Variants in CDYL observed in about 807,000 individuals in gnomAD.
CDYL encodes the protein chromodomain Y-like protein.
A neutral mutation model predicts 47.3 loss-of-function variants in CDYL; 8 were observed. The observed-to-expected ratio is 0.17, with a 90% confidence interval of 0.10 to 0.31. The LOEUF (loss-of-function observed/expected upper bound fraction) is 0.31. Among genes scored for constraint, CDYL ranks in the 10% least tolerant of loss-of-function variants. The probability of loss-of-function intolerance (pLI) is 1.00; values close to 1 mark genes in which losing one functional copy is unlikely to be tolerated. For synonymous variants in CDYL, 266 were observed against 265.0 expected, an observed-to-expected ratio of 1.00 and a Z score of -0.04; for missense variants, 471 against 701.4, an observed-to-expected ratio of 0.67 and a Z score of 3.71.
upstream of CDYL, chr6:4,773,133 G>A (rs1196421058): frequency 8.7e-6 from 4 of 457,280 alleles, no homozygotes; most frequent in African/African-American, 6.0e-5. The surrounding 1 kb of genome is among the most constrained non-coding windows in gnomAD (Gnocchi z 4.6). Flanking sequence ...GATTTGAGGA[G>A]GAGAGAATTG....
intron 2 of CDYL, among the ~76,000 whole-genome samples, chr6:4,911,920 C>T (rs146492442): frequency 4.6e-5 from 7 of 152,298 alleles, no homozygotes; most frequent in African/African-American, 1.7e-4. Context: ...ACTGAAACAA[C>T]GCTGGGATAG....
In CDYL at chr6:4,937,444, C is replaced by T. The variant is rs892421486; in HGVS notation, c.949-121C>T. 4 of 689,124 alleles carry T rather than the reference C, an allele frequency of 5.8e-6. No homozygotes were observed. In the South Asian group the frequency reaches 8.4e-5, roughly 14 times the overall value. 42.7% of individuals were successfully genotyped at this position (689,124 alleles called of 1,614,324 possible). On this transcript the variant is annotated intron_variant, in intron 3 of 6. Transcript: ENST00000397588. ...CCAGGAGTTAGAGAGCACAGTGAGC[C>T]TTGATTAAACCACTGCACGCCAACC...
intron 2 of CDYL, among the ~76,000 whole-genome samples, chr6:4,733,996 T>C (rs1308012631): frequency 6.6e-6 from 1 of 151,484 alleles, no homozygotes; most frequent in East Asian, 1.9e-4. Context: ...GGATTACAGG[T>C]GATGGCTAAT....
chr6:4,835,866 G>A (rs927782667), intron 1 of CDYL, among the ~76,000 whole-genome samples: 24 of 152,186 alleles, frequency 1.6e-4, no homozygotes, highest in Non-Finnish European at 2.4e-4. Context: ...CTCCGTGGGC[G>A]CAGGACCCTC....
intron 2 of CDYL, among the ~76,000 whole-genome samples, chr6:4,902,506 C>T (rs1386128231): frequency 6.6e-6 from 1 of 152,030 alleles, no homozygotes; most frequent in Non-Finnish European, 1.5e-5. Context: ...TGAAACAGTA[C>T]ACAGTCATCC....
rs183898818 is a variant in CDYL, at chr6:4,897,670, G to A, written c.691+5291G>A. ...GGTGGCTCACACTTGTAATCCCAGC[G>A]CTTTGGGAAGCTGAAGCTGGAGGAT... On this transcript the variant is annotated intron_variant, in intron 2 of 6. Transcript: ENST00000397588. 6.1e-4 allele frequency among the ~76,000 whole-genome samples: 93 copies of A among 152,050 alleles called. 1 individual carries two copies. The South Asian group carries it at 9.4e-3, about 15-fold the overall frequency.
At position 4,715,428 on chromosome 6, in the gene CDYL, T is replaced by C. The variant is rs536280368; in HGVS notation, c.-38-313T>C. ...ACCTCATGATAAGTATCAGGCCACT[T>C]GGCTTACTTACTCTTCCATGTATTG... On this transcript the variant is annotated intron_variant, in intron 1 of 8. Transcript: ENST00000328908. Among the ~76,000 whole-genome samples the C allele has an allele frequency of 5.9e-5, 9 of 152,358 alleles. No homozygotes were observed. In the South Asian group the frequency reaches 1.5e-3, roughly 25 times the overall value.
intron 1 of CDYL, among the ~76,000 whole-genome samples, chr6:4,887,732 A>G (rs808616): frequency 0.034 from 5,229 of 152,214 alleles, 300 homozygotes; most frequent in African/African-American, 0.12. Context: ...ACAATGTTGA[A>G]TAGAAGTGGC....
At chr6:4,908,824 C>T (rs1346276642) in intron 2 of CDYL, among the ~76,000 whole-genome samples, 1 of 152,208 alleles carries the variant, frequency 6.6e-6, no homozygotes, top group Non-Finnish European at 1.5e-5. Context: ...AAATGCTGTG[C>T]CCCTTCATCC....
At chr6:4,856,378 C>T (rs151130690) in intron 1 of CDYL, among the ~76,000 whole-genome samples, 1 of 152,116 alleles carries the variant, frequency 6.6e-6, no homozygotes, top group East Asian at 1.9e-4. Context: ...TAATTGCAGA[C>T]AGGACTTTGT....
At chr6:4,794,768 C>T (rs1229229839) in intron 1 of CDYL, among the ~76,000 whole-genome samples, 2 of 151,970 alleles carry the variant, frequency 1.3e-5, no homozygotes, top group African/African-American at 4.8e-5. Context: ...TTCCTAGAAA[C>T]TAGAGTTTTT....
chr6:4,882,727 C>G (rs1281455065), intron 1 of CDYL, among the ~76,000 whole-genome samples: 2 of 152,156 alleles, frequency 1.3e-5, no homozygotes, highest in Non-Finnish European at 2.9e-5. Flanking sequence ...TGGACCCTGG[C>G]AGCTTTAGGG....
At chr6:4,775,770 G>A (rs1758421754), upstream of CDYL, among the ~76,000 whole-genome samples, 1 of 148,822 alleles carries the variant, frequency 6.7e-6, no homozygotes, top group Non-Finnish European at 1.5e-5. The surrounding 1 kb of genome is among the most constrained non-coding windows in gnomAD (Gnocchi z 7.0). Flanking sequence ...CGGCCGGTGG[G>A]GCGGGCATGG....
intron 2 of CDYL, among the ~76,000 whole-genome samples, chr6:4,933,104 TCTC>T (rs1289389472): frequency 6.6e-6 from 1 of 152,184 alleles, no homozygotes; most frequent in African/African-American, 2.4e-5. Context: ...CCTTCCTGCT[TCTC>T]TGCTGCCTCC....
intron 3 of CDYL, among the ~76,000 whole-genome samples, chr6:4,746,889 A>C (rs1757908179): frequency 6.6e-6 from 1 of 151,472 alleles, no homozygotes; most frequent in African/African-American, 2.4e-5. Flanking sequence ...CCGGCCCCTC[A>C]CCCCATCTAC....
chr6:4,924,626 A>T (rs1757811986), intron 2 of CDYL, among the ~76,000 whole-genome samples: 1 of 152,194 alleles, frequency 6.6e-6, no homozygotes. Flanking sequence ...GAAGCATATC[A>T]TTAAGTTGGA....
chr6:4,871,034 T>C (rs1761458771), intron 1 of CDYL, among the ~76,000 whole-genome samples: 3 of 152,228 alleles, frequency 2.0e-5, no homozygotes, highest in Admixed American at 2.0e-4. Flanking sequence ...ATGCTTTTCC[T>C]GGTGTTTTGT....
chr6:4,770,037 A>G (rs1037833478), intron 3 of CDYL, among the ~76,000 whole-genome samples: 2 of 150,782 alleles, frequency 1.3e-5, no homozygotes, highest in African/African-American at 4.9e-5. Context: ...GGGTTTCACC[A>G]TGTTAGCCAG....
intron 1 of CDYL, among the ~76,000 whole-genome samples, chr6:4,823,763 A>C (rs960746431): frequency 6.6e-6 from 1 of 152,204 alleles, no homozygotes; most frequent in African/African-American, 2.4e-5. Flanking sequence ...CCATTATAAC[A>C]ATTTGAAATG....
Sources: gnomAD v4.1 joint callset for allele counts (sites outside exome capture counted in the v4.1 genomes callset) on GRCh38, gnomAD v4.1.1 for gene constraint, Gnocchi (gnomAD v3.1) non-coding constraint, MANE v1.5 for transcripts, NCBI Gene and HGNC (gene_info 2026-07-23, HGNC 2026-07-21) for gene names.